The following SSBP2 variants were observed in gnomAD, a reference collection of about 807,000 sequenced individuals.
SSBP2 encodes single stranded DNA binding protein 2.
SSBP2 carries 17 observed loss-of-function variants against 61.8 expected under a neutral mutation model. The ratio of observed to expected loss-of-function variants is 0.28; its 90% confidence interval spans 0.19 to 0.41. The LOEUF (loss-of-function observed/expected upper bound fraction) is 0.41, where lower values mean the gene tolerates loss of function less well. Among genes scored for constraint, SSBP2 ranks in the 10% least tolerant of loss-of-function variants. The pLI is 1.00. For synonymous variants in SSBP2, 139 were observed against 141.3 expected, an observed-to-expected ratio of 0.98 and a Z score of 0.12; for missense variants, 310 against 458.7, an observed-to-expected ratio of 0.68 and a Z score of 2.96.
intron 4 of SSBP2, among the ~76,000 whole-genome samples, chr5:81,517,258 T>C (rs911141785): frequency 6.6e-6 from 1 of 152,006 alleles, no homozygotes; most frequent in Non-Finnish European, 1.5e-5. Flanking sequence ...CATTAAAAGT[T>C]GTTTTGTTTC....
intron 1 of SSBP2, among the ~76,000 whole-genome samples, chr5:81,723,383 CCCAACT>C (rs1755668832): frequency 6.6e-6 from 1 of 151,874 alleles, no homozygotes; most frequent in African/African-American, 2.4e-5. Flanking sequence ...ATTAATTTCC[CCCAACT>C]CCATTTTTCT....
At chr5:81,453,542 C>T (rs1348971193) in intron 10 of SSBP2, among the ~76,000 whole-genome samples, 2 of 151,020 alleles carry the variant, frequency 1.3e-5, no homozygotes, top group Admixed American at 6.6e-5. Context: ...CTGCAGGCTC[C>T]GCCCCCCGGG....
intron 1 of SSBP2, among the ~76,000 whole-genome samples, chr5:81,658,890 T>C (rs1750455574): frequency 6.6e-6 from 1 of 152,136 alleles, no homozygotes; most frequent in South Asian, 2.1e-4. Context: ...ATGTAATCCA[T>C]CACATAAACA....
At chr5:81,558,228 T>C (rs918110757) in intron 4 of SSBP2, among the ~76,000 whole-genome samples, 6 of 152,246 alleles carry the variant, frequency 3.9e-5, no homozygotes, top group African/African-American at 1.4e-4. Context: ...AATATACCTC[T>C]TTCTCCATAC....
At chr5:81,655,111 C>T (rs552230204) in intron 1 of SSBP2, among the ~76,000 whole-genome samples, 9 of 152,130 alleles carry the variant, frequency 5.9e-5, no homozygotes, top group Middle Eastern at 3.4e-3. Flanking sequence ...GATCCATCAT[C>T]GTCCTCCAGC....
chr5:81,736,176 ACACACACACACACT>A (rs774741769), intron 1 of SSBP2, among the ~76,000 whole-genome samples: 3,233 of 136,402 alleles, frequency 0.024, 68 homozygotes, highest in South Asian at 0.043. Context: ...ACACACACAC[ACACACACACACACT>A]CTACGGCACT....
intron 12 of SSBP2, among the ~76,000 whole-genome samples, chr5:81,446,162 T>C (rs2153970776): frequency 6.6e-6 from 1 of 152,050 alleles, no homozygotes; most frequent in East Asian, 1.9e-4. Flanking sequence ...TCACATGGTA[T>C]GAACCTTTTC....
At chr5:81,639,071 A>G (rs539765377) in intron 2 of SSBP2, among the ~76,000 whole-genome samples, 1 of 152,286 alleles carries the variant, frequency 6.6e-6, no homozygotes, top group East Asian at 1.9e-4. Context: ...ATTACTGTCA[A>G]TATGAACATC....
intron 1 of SSBP2, among the ~76,000 whole-genome samples, chr5:81,660,452 A>G (rs1750588996): frequency 6.6e-6 from 1 of 152,250 alleles, no homozygotes; most frequent in Non-Finnish European, 1.5e-5. Flanking sequence ...AATCACCACA[A>G]TGAGATACCA....
At chr5:81,474,820 G>A (rs1329906849) in intron 6 of SSBP2, among the ~76,000 whole-genome samples, 1 of 151,952 alleles carries the variant, frequency 6.6e-6, no homozygotes. Flanking sequence ...AAAGATCTAC[G>A]CAAAAACTGT....
At chr5:81,615,422 G>C in intron 4 of SSBP2, 51 bp downstream of exon 4, 1 of 1,341,086 alleles carries the variant, frequency 7.5e-7, no homozygotes, top group Non-Finnish European at 1.1e-6. Context: ...AAGAGCAGTG[G>C]TTAAACAGAA....
chr5:81,502,467 G>A (rs1472737070), intron 5 of SSBP2, among the ~76,000 whole-genome samples: 1 of 152,092 alleles, frequency 6.6e-6, no homozygotes, highest in Non-Finnish European at 1.5e-5. Context: ...TCTTGTTGAT[G>A]TCATCCAGGC....
intron 4 of SSBP2, among the ~76,000 whole-genome samples, chr5:81,605,180 T>C (rs1344192308): frequency 6.8e-6 from 1 of 146,792 alleles, no homozygotes; most frequent in Non-Finnish European, 1.5e-5. Context: ...ACAGAGAGAG[T>C]TCTTATGCTC....
intron 4 of SSBP2, among the ~76,000 whole-genome samples, chr5:81,534,730 T>C (rs867299425): frequency 9.2e-5 from 14 of 151,408 alleles, no homozygotes; most frequent in South Asian, 4.2e-4. Context: ...CTACAAAAAG[T>C]GTAAATATGT....
intron 2 of SSBP2, 120 bp downstream of exon 2, chr5:81,650,147 C>T (rs1052675912): frequency 2.1e-5 from 14 of 661,402 alleles, no homozygotes; most frequent in African/African-American, 7.7e-5. Context: ...ACTATGTATA[C>T]GGATAACTAG....
At chr5:81,463,470 C>T (rs974000964) in intron 9 of SSBP2, among the ~76,000 whole-genome samples, 2 of 152,056 alleles carry the variant, frequency 1.3e-5, no homozygotes, top group Admixed American at 6.6e-5. Flanking sequence ...GAGGCCGAGG[C>T]GGGGGGACCA....
chr5:81,703,288 A>G (rs1754120551), intron 1 of SSBP2, among the ~76,000 whole-genome samples: 1 of 152,232 alleles, frequency 6.6e-6, no homozygotes, highest in Non-Finnish European at 1.5e-5. Flanking sequence ...AATACAACAT[A>G]TATCAGTCAT....
intron 1 of SSBP2, among the ~76,000 whole-genome samples, chr5:81,714,260 G>A (rs569646997): frequency 1.3e-5 from 2 of 152,246 alleles, no homozygotes; most frequent in East Asian, 1.9e-4. Flanking sequence ...TGGTTGTATA[G>A]TATTCCATGG....
intron 3 of SSBP2, among the ~76,000 whole-genome samples, chr5:81,629,298 T>C (rs893117160): frequency 5.3e-5 from 8 of 152,204 alleles, no homozygotes; most frequent in African/African-American, 1.9e-4. Flanking sequence ...CTTTAATCGA[T>C]CTTTATGTTG....
Sources: gnomAD v4.1 joint callset for allele counts (sites outside exome capture counted in the v4.1 genomes callset) on GRCh38, gnomAD v4.1.1 for gene constraint, MANE v1.5 for transcripts, NCBI Gene and HGNC (gene_info 2026-07-23, HGNC 2026-07-21) for gene names.